Variants in PXDNL observed in about 807,000 individuals in gnomAD.
PXDNL encodes probable oxidoreductase PXDNL.
In PXDNL, 145 loss-of-function variants were observed where a neutral mutation model predicts 150.8. That is an observed-to-expected ratio of 0.96 (90% CI 0.84 to 1.10). PXDNL has a LOEUF of 1.10. PXDNL is among the 50% of genes least tolerant of loss of function. The pLI, the probability that PXDNL is intolerant of heterozygous loss-of-function variation, is 0.00. For synonymous variants in PXDNL, 757 were observed against 725.7 expected (o/e 1.04, Z -0.69); for missense variants, 2,087 against 1,873.9 (o/e 1.11, Z -2.10).
At position 51,320,823 on chromosome 8, in the gene PXDNL, C is replaced by A. The variant is rs760575154; in HGVS notation, c.4221G>T (p.Glu1407Asp). Reference protein sequence around the residue: ...DVRGVPRKAEERWMKEDCTHC... With the variant: ...DVRGVPRKAEDRWMKEDCTHC... Reference sequence around the variant, plus strand: ...GAGTGCAGTCTTCTTTCATCCAGCGCTCCTCGGCCTTCCTTGGAACCCCTC... The same window carrying A: ...GAGTGCAGTCTTCTTTCATCCAGCGATCCTCGGCCTTCCTTGGAACCCCTC... The change falls in exon 22 of 23, where the codon GAG becomes GAT. Residue 1407 changes from glutamate (E) to aspartate (D), a missense_variant. Coordinates refer to ENST00000356297, the MANE Select transcript of PXDNL (RefSeq NM_144651.5). The A allele has an allele frequency of 5.0e-6, 8 of 1,613,846 alleles. No homozygotes were observed. The highest frequency in any genetic ancestry group is 6.8e-6 in the Non-Finnish European group (8 of 1,179,872).
intron 1 of PXDNL, among the ~76,000 whole-genome samples, chr8:51,695,565 G>A (rs903547947): frequency 2.6e-5 from 4 of 152,036 alleles, no homozygotes; most frequent in Admixed American, 2.6e-4. Context: ...TAACAAATTC[G>A]TTGGGTGAGT....
chr8:51,789,754 A>G (rs897406973), intron 1 of PXDNL, among the ~76,000 whole-genome samples: 17 of 152,172 alleles, frequency 1.1e-4, no homozygotes, highest in African/African-American at 4.1e-4. Flanking sequence ...TAGAAGATAA[A>G]ATCCACCCAA....
chr8:51,446,501 A>G (rs1460086089), intron 12 of PXDNL, among the ~76,000 whole-genome samples: 3 of 152,146 alleles, frequency 2.0e-5, no homozygotes, highest in African/African-American at 7.2e-5. Flanking sequence ...CTTTTTATAT[A>G]TCAGTTGACA....
Position 51,339,624 on chromosome 8 carries a change from C to T in PXDNL, c.4146G>A (p.Gln1382=). 6.2e-7 allele frequency: 1 copy of T among 1,611,836 alleles called. No homozygotes were observed. The highest frequency in any genetic ancestry group is 8.5e-7 in the Non-Finnish European group (1 of 1,179,324). ...CATGTTATTTGAAGAGAAAACAAAC[C>T]TGCTCTCTGAGTGCTGTGATGGTTT... ...IQETITALRE[Q]INKLEARLRQ... Residue 1382 remains glutamine (Q), a splice_region_variant and synonymous_variant, in exon 21 of 23, where the codon CAG becomes CAA. Transcript: ENST00000356297.
intron 2 of PXDNL, among the ~76,000 whole-genome samples, chr8:51,616,424 A>G (rs1341948079): frequency 6.6e-6 from 1 of 152,164 alleles, no homozygotes; most frequent in Non-Finnish European, 1.5e-5. Flanking sequence ...GCCAAAAACT[A>G]AACTGAAGAA....
intron 10 of PXDNL, among the ~76,000 whole-genome samples, chr8:51,453,051 C>A (rs1184270527): frequency 2.0e-5 from 3 of 152,138 alleles, no homozygotes; most frequent in African/African-American, 7.2e-5. Context: ...CATGCCCATG[C>A]ATATAAATTA....
intron 1 of PXDNL, among the ~76,000 whole-genome samples, chr8:51,806,576 C>CT (rs764727547): frequency 3.6e-4 from 55 of 152,210 alleles, no homozygotes; most frequent in Non-Finnish European, 6.9e-4. Context: ...TTTACATATA[C>CT]TTCTCAGCTT....
At chr8:51,409,677 G>A in intron 16 of PXDNL, 116 bp from the exon 17 acceptor site, 2 of 730,436 alleles carry the variant, frequency 2.7e-6, no homozygotes, top group East Asian at 6.5e-5. Flanking sequence ...AGTGAAAAGA[G>A]GCCTTTCTTA....
intron 4 of PXDNL, among the ~76,000 whole-genome samples, chr8:51,514,142 T>G (rs575343892): frequency 1.3e-5 from 2 of 152,358 alleles, no homozygotes; most frequent in African/African-American, 4.8e-5. Context: ...CTGAGCATAT[T>G]TGCATTGCAT....
At chr8:51,480,398 T>C (rs1178196462) in intron 6 of PXDNL, among the ~76,000 whole-genome samples, 1 of 152,032 alleles carries the variant, frequency 6.6e-6, no homozygotes, top group East Asian at 1.9e-4. Context: ...GCACTTCACA[T>C]AGTGAAAGCA....
intron 6 of PXDNL, among the ~76,000 whole-genome samples, chr8:51,478,073 TATAA>T (rs1810522038): frequency 6.6e-6 from 1 of 152,242 alleles, no homozygotes; most frequent in Admixed American, 6.5e-5. Context: ...GAGTAATCTT[TATAA>T]ATAATTTTCA....
At chr8:51,791,835 A>AT (rs1486960915) in intron 1 of PXDNL, among the ~76,000 whole-genome samples, 3 of 152,226 alleles carry the variant, frequency 2.0e-5, no homozygotes, top group South Asian at 2.1e-4. Flanking sequence ...TGAAAGTTAG[A>AT]TTTTTTTGTA....
intron 1 of PXDNL, among the ~76,000 whole-genome samples, chr8:51,780,654 C>CTTTTTTTTTTTTTTTTTTTTTTTT (rs71237240): frequency 1.3e-5 from 1 of 75,184 alleles, no homozygotes; most frequent in Non-Finnish European, 2.7e-5. Flanking sequence ...CTTTTCTTTT[C>CTTTTTTTTTTTTTTTTTTTTTTTT]TTTTTTTTTT....
At chr8:51,670,367 A>G (rs934391434) in intron 1 of PXDNL, among the ~76,000 whole-genome samples, 2 of 152,206 alleles carry the variant, frequency 1.3e-5, no homozygotes, top group Admixed American at 6.5e-5. Context: ...GTCCTTGCGC[A>G]AAGATCATAG....
intron 1 of PXDNL, among the ~76,000 whole-genome samples, chr8:51,753,274 T>C (rs1160764925): frequency 6.6e-6 from 1 of 152,228 alleles, no homozygotes; most frequent in African/African-American, 2.4e-5. Context: ...TATTTTTGAA[T>C]ATGAATCACT....
intron 1 of PXDNL, among the ~76,000 whole-genome samples, chr8:51,732,871 C>G (rs1816960413): frequency 6.6e-6 from 1 of 152,172 alleles, no homozygotes. Flanking sequence ...CCCACTAGGT[C>G]CCTCCCATGA....
chr8:51,323,802 G>C (rs1240398219), intron 21 of PXDNL, among the ~76,000 whole-genome samples: 1 of 151,982 alleles, frequency 6.6e-6, no homozygotes, highest in East Asian at 1.9e-4. Flanking sequence ...TGTAATCCCA[G>C]CTACTCGGGA....
chr8:51,469,122 G>T (rs1447698351), intron 8 of PXDNL, among the ~76,000 whole-genome samples: 4 of 152,028 alleles, frequency 2.6e-5, no homozygotes, highest in Admixed American at 6.5e-5. Flanking sequence ...AATTTACCTG[G>T]ATGTAAAACT....
chr8:51,434,221 T>C (rs1172894046), intron 12 of PXDNL, among the ~76,000 whole-genome samples: 2 of 152,254 alleles, frequency 1.3e-5, no homozygotes, highest in Admixed American at 6.5e-5. Context: ...CAGCGTCTTT[T>C]GGCTTCTGTT....
Sources: gnomAD v4.1 joint callset for allele counts (sites outside exome capture counted in the v4.1 genomes callset) on GRCh38, gnomAD v4.1.1 for gene constraint, MANE v1.5 for transcripts, NCBI Gene and HGNC (gene_info 2026-07-23, HGNC 2026-07-21) for gene names.